Variants in XPR1 observed in about 807,000 individuals in gnomAD.
XPR1 encodes solute carrier family 53 member 1.
XPR1 carries 28 observed loss-of-function variants against 87.5 expected under a neutral mutation model. That is an observed-to-expected ratio of 0.32 (90% CI 0.24 to 0.44). The LOEUF is 0.44. Ranked by LOEUF, XPR1 falls within the 20% of genes least tolerant of loss-of-function variation. XPR1 has a pLI of 1.00. For synonymous variants in XPR1, 300 were observed against 306.1 expected, an observed-to-expected ratio of 0.98 and a Z score of 0.21; for missense variants, 559 against 862.3, an observed-to-expected ratio of 0.65 and a Z score of 4.41.
intron 2 of XPR1, among the ~76,000 whole-genome samples, chr1:180,783,677 T>G (rs1190809365): frequency 6.6e-6 from 1 of 152,092 alleles, no homozygotes; most frequent in Non-Finnish European, 1.5e-5. Context: ...TATATTATTT[T>G]TTAAATGCTT....
chr1:180,634,062 A>G (rs576759592), intron 1 of XPR1, among the ~76,000 whole-genome samples: 6 of 152,238 alleles, frequency 3.9e-5, no homozygotes, highest in African/African-American at 9.6e-5. Context: ...TGAAAATGCA[A>G]CCCTCTTAAT....
intron 1 of XPR1, among the ~76,000 whole-genome samples, chr1:180,679,828 C>T (rs1656502393): frequency 6.6e-6 from 1 of 151,906 alleles, no homozygotes. Context: ...GGACATTGGT[C>T]TGGGAAAAGA....
At position 180,886,766 on chromosome 1, in the gene XPR1, C is replaced by T. The variant is rs962886332; in HGVS notation, c.*2700C>T. ...TTTAATTTTTTTCTTTCAAAAAAGG[C>T]AATGTGCACTTTCCTCTCCTAAATT... On this transcript the variant is annotated 3_prime_UTR_variant, in exon 15 of 15. Transcript: ENST00000367590. 6.6e-6 allele frequency: 1 copy of T among 152,172 alleles called. No homozygotes were observed. The highest frequency in any genetic ancestry group is 2.4e-5 in the African/African-American group (1 of 41,442). 9.4% of individuals were successfully genotyped at this position (152,172 alleles called of 1,614,324 possible).
chr1:180,753,355 G>A (rs1017654900), intron 2 of XPR1, among the ~76,000 whole-genome samples: 20 of 152,000 alleles, frequency 1.3e-4, no homozygotes, highest in African/African-American at 3.6e-4. Flanking sequence ...GCTTGAACTC[G>A]GAAGTTCAAG....
chr1:180,834,845 T>C (rs1276877774), intron 9 of XPR1, 29 bp from the exon 10 acceptor site: 1 of 1,587,304 alleles, frequency 6.3e-7, no homozygotes, highest in South Asian at 1.2e-5. Flanking sequence ...TTCTTGTTTC[T>C]GTGTTTTCTG....
At chr1:180,641,155 G>T (rs140537568) in intron 1 of XPR1, among the ~76,000 whole-genome samples, 2 of 152,226 alleles carry the variant, frequency 1.3e-5, no homozygotes, top group African/African-American at 4.8e-5. Flanking sequence ...TAACCTTTTT[G>T]TGCTTCAGTT....
intron 2 of XPR1, among the ~76,000 whole-genome samples, chr1:180,711,936 C>G (rs1657814634): frequency 6.6e-6 from 1 of 152,112 alleles, no homozygotes; most frequent in Non-Finnish European, 1.5e-5. Flanking sequence ...ATCAGTTGTT[C>G]TAACACCATT....
At chr1:180,747,332 A>G (rs1230968571) in intron 2 of XPR1, among the ~76,000 whole-genome samples, 5 of 152,206 alleles carry the variant, frequency 3.3e-5, no homozygotes, top group Admixed American at 1.3e-4. Flanking sequence ...TGCTCAGGGC[A>G]TGAGAAAAAA....
At chr1:180,830,624 C>G (rs1651023481) in intron 9 of XPR1, among the ~76,000 whole-genome samples, 1 of 152,162 alleles carries the variant, frequency 6.6e-6, no homozygotes, top group South Asian at 2.1e-4. Flanking sequence ...AGATTAGATT[C>G]ATTTTCTCAA....
At chr1:180,835,879 T>C (rs1651267856) in intron 10 of XPR1, among the ~76,000 whole-genome samples, 1 of 152,190 alleles carries the variant, frequency 6.6e-6, no homozygotes, top group Non-Finnish European at 1.5e-5. Context: ...TGTTTCAAAT[T>C]ACAGAGCCAA....
At chr1:180,697,715 T>C (rs548128625) in intron 2 of XPR1, among the ~76,000 whole-genome samples, 11 of 152,290 alleles carry the variant, frequency 7.2e-5, no homozygotes, top group Admixed American at 5.2e-4. Flanking sequence ...CAGTGGTCAT[T>C]GAGGAGCATG....
chr1:180,786,754 G>A (rs2102089227), intron 2 of XPR1, among the ~76,000 whole-genome samples: 1 of 152,268 alleles, frequency 6.6e-6, no homozygotes, highest in Admixed American at 6.5e-5. Context: ...ATCACCACAT[G>A]GCAGCAACTA....
At chr1:180,838,135 A>G (rs939594253) in intron 11 of XPR1, among the ~76,000 whole-genome samples, 28 of 152,188 alleles carry the variant, frequency 1.8e-4, no homozygotes, top group African/African-American at 6.8e-4. Flanking sequence ...CTATTAACAC[A>G]TATTTGGTAT....
At chr1:180,811,309 G>T in intron 6 of XPR1, 98 bp from the exon 7 acceptor site, 1 of 952,472 alleles carries the variant, frequency 1.0e-6, no homozygotes, top group East Asian at 2.6e-5. Context: ...TTATTTTCAT[G>T]GTAGAACTTT....
At chr1:180,637,949 G>T (rs1475935428) in intron 1 of XPR1, among the ~76,000 whole-genome samples, 1 of 152,126 alleles carries the variant, frequency 6.6e-6, no homozygotes, top group Non-Finnish European at 1.5e-5. Context: ...CCTTTGTAAG[G>T]TCTGTTTTTT....
At chr1:180,675,614 CAAAG>C (rs1268983546) in intron 1 of XPR1, among the ~76,000 whole-genome samples, 2 of 152,088 alleles carry the variant, frequency 1.3e-5, no homozygotes, top group African/African-American at 4.8e-5. Flanking sequence ...CTTTGGAAAT[CAAAG>C]AACTCACGTA....
chr1:180,839,672 G>A (rs1651436497), intron 11 of XPR1, among the ~76,000 whole-genome samples: 1 of 152,144 alleles, frequency 6.6e-6, no homozygotes, highest in Admixed American at 6.5e-5. Context: ...GTACACAGAG[G>A]TCTTCATAGA....
intron 7 of XPR1, among the ~76,000 whole-genome samples, chr1:180,823,250 A>AAC (rs544708797): frequency 2.6e-5 from 4 of 152,100 alleles, no homozygotes; most frequent in Non-Finnish European, 4.4e-5. Context: ...CAAAAAAAAA[A>AAC]AACAAAAGTT....
In XPR1 at chr1:180,833,706, G is replaced by A. The variant is rs141382413; in HGVS notation, c.1135-1168G>A. ...ACAAAAGCTAAACAATTCTTCAGGC[G>A]TGCATTTCAACAGAAAGTACAAATA... On this transcript the variant is annotated intron_variant, in intron 9 of 14. Transcript: ENST00000367590. Among the ~76,000 whole-genome samples the A allele has an allele frequency of 1.3e-3, 191 of 152,252 alleles. 2 individuals are homozygous for A. Among genetic ancestry groups the A allele is most frequent in the Admixed American group, 4.3e-3 (65 of 15,286 alleles).
Sources: allele counts gnomAD v4.1 joint callset (sites outside exome capture counted in the v4.1 genomes callset), GRCh38; gene constraint gnomAD v4.1.1; transcripts MANE v1.5; gene names NCBI Gene and HGNC (gene_info 2026-07-23, HGNC 2026-07-21).